Variants in CRACDL observed in about 807,000 individuals in gnomAD.
CRACDL encodes the protein CRACD-like protein.
A neutral mutation model predicts 70.6 loss-of-function variants in CRACDL; 26 were observed. That is an observed-to-expected ratio of 0.37 (90% CI 0.27 to 0.51). CRACDL has a LOEUF of 0.51. Among genes scored for constraint, CRACDL ranks in the 20% least tolerant of loss-of-function variants. The pLI is 0.94. For missense variants in CRACDL, 1,283 were observed against 1,376.9 expected, an observed-to-expected ratio of 0.93 and a Z score of 1.08; for synonymous variants, 618 against 615.2, an observed-to-expected ratio of 1.00 and a Z score of -0.07.
At chr2:98,905,627 ATTT>A (rs34712128) in intron 1 of CRACDL, among the ~76,000 whole-genome samples, 6,778 of 130,684 alleles carry the variant, frequency 0.052, 406 homozygotes, top group African/African-American at 0.17. Context: ...GTGTTACCTC[ATTT>A]TTTTTTTTTT....
In CRACDL at chr2:98,832,382, A is replaced by G. The variant is rs1476662388; in HGVS notation, c.506T>C (p.Leu169Pro). Residue 169 changes from leucine to proline, a missense_variant, in exon 5 of 10, where the codon CTG becomes CCG. Physicochemically the swap from Leu to Pro is moderately conservative, Grantham distance 98. This residue lies in a region of CRACDL where 362 missense variants were observed against 495.0 expected (regional missense o/e 0.73). Coordinates refer to ENST00000397899, the MANE Select transcript of CRACDL (RefSeq NM_207362.3). ...GGTACCAGGACCCACGTCGTGCAGC[A>G]GAGACATCTCTGGGGGGCTCCTGGG... ...GLPRSPPEMS[L>P]LHDVGPGTTI... 1 of 1,614,198 alleles carries G rather than the reference A, an allele frequency of 6.2e-7. No homozygotes were observed.
chr2:98,886,398 T>C (rs548451885), intron 1 of CRACDL, among the ~76,000 whole-genome samples: 1 of 152,336 alleles, frequency 6.6e-6, no homozygotes, highest in Admixed American at 6.5e-5. Flanking sequence ...ACAGATTGTC[T>C]AAAAAGCTTG....
intron 1 of CRACDL, among the ~76,000 whole-genome samples, chr2:98,907,300 A>G (rs936144117): frequency 6.6e-6 from 1 of 152,158 alleles, no homozygotes; most frequent in Non-Finnish European, 1.5e-5. Context: ...CTCAGGAAAC[A>G]AAACAAAACA....
intron 8 of CRACDL, among the ~76,000 whole-genome samples, chr2:98,797,017 C>A (rs1206983774): frequency 6.6e-6 from 1 of 152,226 alleles, no homozygotes; most frequent in Non-Finnish European, 1.5e-5. Context: ...GTTATTTTAA[C>A]CTCCTCCCAT....
Position 98,823,847 on chromosome 2 carries a change from C to G in CRACDL, c.736-310G>C, listed in dbSNP as rs1252008482. Among the ~76,000 whole-genome samples the G allele has an allele frequency of 6.6e-6, 1 of 152,222 alleles. No individual in the cohort carries two copies. Among genetic ancestry groups the G allele is most frequent in the African/African-American group, 2.4e-5 (1 of 41,456 alleles). Reference sequence around the variant, plus strand: ...GGCGACCAACAGCAGCCAGTGTCTGCTATGCTCTGTGCTCCCACACTTGTT... The same window carrying G: ...GGCGACCAACAGCAGCCAGTGTCTGGTATGCTCTGTGCTCCCACACTTGTT... On this transcript the variant is annotated intron_variant, in intron 6 of 9. Coordinates refer to ENST00000397899, the MANE Select transcript of CRACDL (RefSeq NM_207362.3). The surrounding 1 kb of genome is among the most constrained non-coding windows in gnomAD (Gnocchi z 4.0).
At chr2:98,877,575 C>T (rs565369923) in intron 1 of CRACDL, among the ~76,000 whole-genome samples, 2 of 152,018 alleles carry the variant, frequency 1.3e-5, no homozygotes, top group Admixed American at 6.5e-5. Flanking sequence ...GTGAAAACCC[C>T]GTTACTACTA....
intron 1 of CRACDL, among the ~76,000 whole-genome samples, chr2:98,927,515 A>C (rs1330364267): frequency 6.6e-6 from 1 of 152,182 alleles, no homozygotes; most frequent in Non-Finnish European, 1.5e-5. Context: ...AAAAAAAAAA[A>C]AACTTGGTGT....
chr2:98,795,077 A>ATATATATATATTTTTT, intron 9 of CRACDL, among the ~76,000 whole-genome samples: 8 of 58,486 alleles, frequency 1.4e-4, no homozygotes, highest in African/African-American at 2.6e-4. Flanking sequence ...ATATATATAT[A>ATATATATATATTTTTT]TTTTTTTTTT....
chr2:98,895,102 C>A (rs371347651), intron 1 of CRACDL, among the ~76,000 whole-genome samples: 4 of 152,060 alleles, frequency 2.6e-5, no homozygotes, highest in African/African-American at 9.6e-5. Flanking sequence ...CAGAGGAGAC[C>A]CTGTCTTAAA....
chr2:98,907,598 G>A (rs1708446326), intron 1 of CRACDL, among the ~76,000 whole-genome samples: 1 of 152,156 alleles, frequency 6.6e-6, no homozygotes, highest in South Asian at 2.1e-4. Flanking sequence ...GCTCTCTGGT[G>A]GCCTCTGCTT....
At chr2:98,860,710 G>A (rs1342304002) in intron 1 of CRACDL, among the ~76,000 whole-genome samples, 5 of 152,174 alleles carry the variant, frequency 3.3e-5, no homozygotes, top group African/African-American at 1.2e-4. Context: ...TTTTAGGTTA[G>A]GCAATAATTA....
intron 1 of CRACDL, among the ~76,000 whole-genome samples, chr2:98,901,006 C>T (rs901288025): frequency 1.7e-4 from 26 of 152,212 alleles, no homozygotes; most frequent in Non-Finnish European, 7.3e-5. Context: ...CTTCCCCTCA[C>T]TTAGGACAGA....
At position 98,832,638 on chromosome 2, in the gene CRACDL, T is replaced by A. The variant is rs536261018; in HGVS notation, c.376-126A>T. 53 of 1,039,244 alleles carry A rather than the reference T, an allele frequency of 5.1e-5. No homozygotes were observed. In the African/African-American group the frequency reaches 8.3e-4, roughly 16 times the overall value. 64.4% of individuals were successfully genotyped at this position (1,039,244 alleles called of 1,614,324 possible). A position where few individuals can be genotyped will look rare whatever the true frequency, so the allele number is the denominator to read the frequency against. ...CTTGGTGTGGTGCAGAGAACTGAACTGAACGTGCATCTGCCACCAGCTCTT... is the reference window on the plus strand; with the variant it reads ...CTTGGTGTGGTGCAGAGAACTGAACAGAACGTGCATCTGCCACCAGCTCTT... On this transcript the variant is annotated intron_variant, in intron 4 of 9. Coordinates refer to ENST00000397899, the MANE Select transcript of CRACDL (RefSeq NM_207362.3).
At chr2:98,819,223 T>C (rs1201022305) in intron 7 of CRACDL, among the ~76,000 whole-genome samples, 6 of 152,370 alleles carry the variant, frequency 3.9e-5, no homozygotes, top group Admixed American at 3.3e-4. Context: ...GAAACTTACA[T>C]ATAAATAATG....
In CRACDL at chr2:98,823,642, C is replaced by T. The variant is rs1289974289; in HGVS notation, c.736-105G>A. 5 of 1,406,738 alleles carry T rather than the reference C, an allele frequency of 3.6e-6. No homozygotes were observed. Among genetic ancestry groups the T allele is most frequent in the East Asian group, 2.5e-5 (1 of 40,304 alleles). 87.1% of individuals were successfully genotyped at this position (1,406,738 alleles called of 1,614,324 possible). On this transcript the variant is annotated intron_variant, in intron 6 of 9. Coordinates refer to ENST00000397899, the MANE Select transcript of CRACDL (RefSeq NM_207362.3). This position sits in a 1 kb window ranked among gnomAD's most constrained non-coding sequence, Gnocchi z 4.0. The stretch of plus-strand genomic sequence containing the variant: ...TTATAATGGTTTAGTGATAGCAGCA[C>T]TATAAAGCTGGCACTTAAGTAGGCA...
intron 7 of CRACDL, among the ~76,000 whole-genome samples, chr2:98,805,496 C>T (rs1341575512): frequency 2.6e-5 from 4 of 152,140 alleles, no homozygotes; most frequent in East Asian, 1.9e-4. Context: ...GTGCACCCTC[C>T]GTAGGGCCTC....
chr2:98,921,146 A>T (rs550358714), intron 1 of CRACDL, among the ~76,000 whole-genome samples: 1 of 152,174 alleles, frequency 6.6e-6, no homozygotes, highest in South Asian at 2.1e-4. Flanking sequence ...CCGTCTTGGA[A>T]ATCAAGTCTG....
intron 1 of CRACDL, among the ~76,000 whole-genome samples, chr2:98,850,120 A>T (rs1706422556): frequency 6.6e-6 from 1 of 152,186 alleles, no homozygotes; most frequent in Non-Finnish European, 1.5e-5. Flanking sequence ...CAAATGGCTC[A>T]CTTCAAAGTC....
At chr2:98,824,949 G>T (rs1172754309) in intron 6 of CRACDL, among the ~76,000 whole-genome samples, 1 of 152,214 alleles carries the variant, frequency 6.6e-6, no homozygotes, top group African/African-American at 2.4e-5. Context: ...AACTGCTGAT[G>T]TTGAAACCTC....
Sources: allele counts gnomAD v4.1 joint callset (sites outside exome capture counted in the v4.1 genomes callset), GRCh38; gene constraint gnomAD v4.1.1; regional missense constraint gnomAD v4.1.1; non-coding constraint Gnocchi (gnomAD v3.1); transcripts MANE v1.5; gene names NCBI Gene and HGNC (gene_info 2026-07-23, HGNC 2026-07-21).